The following PPARGC1A variants were observed in gnomAD, a reference collection of about 807,000 sequenced individuals.
PPARGC1A encodes the protein peroxisome proliferator-activated receptor gamma coactivator 1-alpha.
In PPARGC1A, 25 loss-of-function variants were observed where a neutral mutation model predicts 88.7. The ratio of observed to expected loss-of-function variants is 0.28; its 90% CI spans 0.21 to 0.39. The LOEUF (loss-of-function observed/expected upper bound fraction) is 0.39, where lower values mean the gene tolerates loss of function less well. PPARGC1A is among the 10% of genes least tolerant of loss of function. PPARGC1A has a pLI of 1.00. For synonymous variants in PPARGC1A, 363 were observed against 355.6 expected, an observed-to-expected ratio of 1.02 and a Z score of -0.24; for missense variants, 880 against 968.7, an observed-to-expected ratio of 0.91 and a Z score of 1.22.
chr4:24,362,762 A>C, the PPARGC1A span, among the ~76,000 whole-genome samples: 1 of 152,192 alleles, frequency 6.6e-6, no homozygotes, highest in African/African-American at 2.4e-5. Flanking sequence ...CCCATTTCAC[A>C]AGAATCCCGG....
chr4:23,813,497 C>G (rs1007423874), intron 8 of PPARGC1A, among the ~76,000 whole-genome samples, 193 bp downstream of exon 8: 14 of 152,142 alleles, frequency 9.2e-5, no homozygotes, highest in Non-Finnish European at 2.1e-4. Flanking sequence ...GCACTGTGCT[C>G]AGAGGTGACA....
At chr4:23,994,493 C>T in the PPARGC1A span, among the ~76,000 whole-genome samples, 2 of 152,030 alleles carry the variant, frequency 1.3e-5, no homozygotes, top group East Asian at 1.9e-4. Flanking sequence ...GCATATTGGG[C>T]AGAGAAGGGG....
At chr4:24,320,119 G>T in the PPARGC1A span, among the ~76,000 whole-genome samples, 3 of 152,166 alleles carry the variant, frequency 2.0e-5, no homozygotes, top group Middle Eastern at 3.2e-3. Context: ...CATTTATTTT[G>T]TAAACTTAAA....
chr4:24,109,174 A>G, the PPARGC1A span, among the ~76,000 whole-genome samples: 1 of 151,962 alleles, frequency 6.6e-6, no homozygotes, highest in East Asian at 1.9e-4. Context: ...GTAATAATTA[A>G]TTATTAAAAT....
chr4:24,335,380 T>C, the PPARGC1A span, among the ~76,000 whole-genome samples: 2 of 152,200 alleles, frequency 1.3e-5, no homozygotes, highest in East Asian at 1.9e-4. Context: ...TGCCAGCCCA[T>C]AGGTGCTTGA....
At chr4:23,826,176 C>T (rs1234616697) in intron 5 of PPARGC1A, among the ~76,000 whole-genome samples, 1 of 151,960 alleles carries the variant, frequency 6.6e-6, no homozygotes, top group East Asian at 1.9e-4. Context: ...TTAATGAGAC[C>T]AAAGGCAAAC....
At chr4:24,314,799 AC>A in the PPARGC1A span, among the ~76,000 whole-genome samples, 15 of 152,168 alleles carry the variant, frequency 9.9e-5, no homozygotes, top group Admixed American at 9.8e-4. Context: ...TGTTGAATGT[AC>A]CAAGAGCTAT....
intron 2 of PPARGC1A, among the ~76,000 whole-genome samples, chr4:23,871,998 G>A (rs60824130): frequency 0.044 from 6,741 of 152,158 alleles, 206 homozygotes; most frequent in African/African-American, 0.083. Flanking sequence ...TCTCCCAAGG[G>A]TGCAGGATAG....
the PPARGC1A span, among the ~76,000 whole-genome samples, chr4:24,445,772 A>G: frequency 6.6e-6 from 1 of 152,060 alleles, no homozygotes; most frequent in African/African-American, 2.4e-5. Context: ...TGCTGGTTAA[A>G]AGATACTTAT....
At chr4:23,912,132 G>A in the PPARGC1A span, among the ~76,000 whole-genome samples, 101,257 of 151,606 alleles carry the variant, frequency 0.67, 35,291 homozygotes, top group African/African-American at 0.87. Flanking sequence ...CAGTGAAGAG[G>A]TGGCATTTTC....
the PPARGC1A span, among the ~76,000 whole-genome samples, chr4:23,924,934 T>C: frequency 1.3e-4 from 20 of 152,198 alleles, no homozygotes; most frequent in Non-Finnish European, 1.2e-4. Flanking sequence ...GATGGATTCA[T>C]GGTGCATAAG....
chr4:24,039,917 A>C, the PPARGC1A span, among the ~76,000 whole-genome samples: 15,926 of 152,086 alleles, frequency 0.1, 1,070 homozygotes, highest in South Asian at 0.2. Context: ...TCACTGTATC[A>C]TTTCATAGCT....
chr4:24,052,487 A>G, the PPARGC1A span, among the ~76,000 whole-genome samples: 1 of 151,998 alleles, frequency 6.6e-6, no homozygotes. Context: ...AAACACAAAA[A>G]TTAGCTGGGC....
the PPARGC1A span, among the ~76,000 whole-genome samples, chr4:24,004,639 G>A: frequency 1.3e-5 from 2 of 152,174 alleles, no homozygotes; most frequent in African/African-American, 4.8e-5. Context: ...CAGTTTATAA[G>A]TGTCTTTTAG....
chr4:24,007,926 G>C, the PPARGC1A span, among the ~76,000 whole-genome samples: 2 of 152,164 alleles, frequency 1.3e-5, no homozygotes, highest in Non-Finnish European at 2.9e-5. Flanking sequence ...TCAGTGTGCA[G>C]CTCTCAGCTC....
At chr4:24,345,603 G>A in the PPARGC1A span, among the ~76,000 whole-genome samples, 2 of 152,018 alleles carry the variant, frequency 1.3e-5, no homozygotes, top group African/African-American at 4.8e-5. Context: ...GTGTATAGAA[G>A]AGCTACTGAT....
the PPARGC1A span, among the ~76,000 whole-genome samples, chr4:24,221,769 C>T: frequency 1.3e-5 from 2 of 152,022 alleles, no homozygotes; most frequent in African/African-American, 2.4e-5. Flanking sequence ...CAGACCCTCA[C>T]TCAAAAAATA....
the PPARGC1A span, among the ~76,000 whole-genome samples, chr4:24,038,012 C>T: frequency 6.6e-6 from 1 of 152,092 alleles, no homozygotes; most frequent in Admixed American, 6.6e-5. Flanking sequence ...AATGAAGATA[C>T]CCACTTTCTT....
At chr4:24,194,648 ACACACACACACACACACACAC>A in the PPARGC1A span, among the ~76,000 whole-genome samples, 5 of 19,382 alleles carry the variant, frequency 2.6e-4, no homozygotes, top group Middle Eastern at 0.071. Flanking sequence ...ACACACACAC[ACACACACACACACACACACAC>A]CCCCATCAAG....
Sources: allele counts gnomAD v4.1 joint callset (sites outside exome capture counted in the v4.1 genomes callset), GRCh38; gene constraint gnomAD v4.1.1; transcripts MANE v1.5; gene names NCBI Gene and HGNC (gene_info 2026-07-23, HGNC 2026-07-21).